GEMIN5: variants seen among roughly 807,000 people sequenced by gnomAD.
The protein encoded by GEMIN5 is gem-associated protein 5.
A neutral mutation model predicts 176.9 loss-of-function variants in GEMIN5; 124 were observed. The ratio of observed to expected loss-of-function variants is 0.70; its 90% confidence interval spans 0.61 to 0.81. The LOEUF (loss-of-function observed/expected upper bound fraction) is 0.81, where lower values mean the gene tolerates loss of function less well. GEMIN5 is among the 40% of genes least tolerant of loss of function. The probability of loss-of-function intolerance (pLI) is 0.00; values close to 1 mark genes in which losing one functional copy is unlikely to be tolerated. For synonymous variants in GEMIN5, 673 were observed against 665.2 expected, an observed-to-expected ratio of 1.01 and a Z score of -0.18; for missense variants, 1,843 against 1,814.6, an observed-to-expected ratio of 1.02 and a Z score of -0.28.
chr5:154,928,421 CCAT>C, intron 6 of GEMIN5, 103 bp downstream of exon 6: 1 of 938,798 alleles, frequency 1.1e-6, no homozygotes, highest in Admixed American at 2.1e-5. Flanking sequence ...TTCAAATGGC[CCAT>C]CATAATACAA....
Position 154,917,140 on chromosome 5 carries a change from G to T in GEMIN5, c.1713C>A (p.Ile571=). The T allele has an allele frequency of 1.9e-6, 3 of 1,547,414 alleles. No individual in the cohort carries two copies. The highest frequency in any genetic ancestry group is 8.8e-7 in the Non-Finnish European group (1 of 1,136,290). ...EIFQIPNLKL[I]CTIQQHHKLV... ...GCTTGTGATGCTGTTGGATAGTACA[G>T]ATCAGTTTCAGGTTGGGAATCTGAA... Residue 571 remains isoleucine, a synonymous_variant, in exon 13 of 28, where the codon ATC becomes ATA. Coordinates refer to ENST00000285873, the MANE Select transcript of GEMIN5 (RefSeq NM_015465.5).
chr5:154,906,887 T>G (rs900749954), intron 16 of GEMIN5, among the ~76,000 whole-genome samples: 18 of 152,260 alleles, frequency 1.2e-4, no homozygotes, highest in African/African-American at 4.1e-4. Flanking sequence ...AGTTACTGCT[T>G]CTACTTACAC....
rs370479756 is a variant in GEMIN5 at position 154,889,362 on chromosome 5, C to T, written c.4318G>A (p.Glu1440Lys). ...AATTTCGCCATTCTCTGATTTGCCT[C>T]GGTAAGCCTTTTGGTTAACTCAGGC... ...SLPELTKRLT[E>K]ANQRMAKFPE... is the part of the protein sequence containing the mutation. Residue 1440 changes from glutamate to lysine, a missense_variant, in exon 27 of 28, where the codon GAG (glutamate) becomes AAG (lysine). Coordinates refer to ENST00000285873, the MANE Select transcript of GEMIN5 (RefSeq NM_015465.5). 14 of 1,610,408 alleles carry T rather than the reference C, an allele frequency of 8.7e-6. No homozygotes were observed. Among genetic ancestry groups the T allele is most frequent in the East Asian group, 4.5e-5 (2 of 44,842 alleles).
At chr5:154,930,875 G>A (rs1325084504) in intron 5 of GEMIN5, among the ~76,000 whole-genome samples, 5 of 152,008 alleles carry the variant, frequency 3.3e-5, no homozygotes, top group African/African-American at 7.3e-5. Flanking sequence ...AGAGAAGCCC[G>A]CTAGAAAGAG....
Position 154,938,056 on chromosome 5 carries a change from G to T in GEMIN5, c.78C>A (p.Gly26=), listed in dbSNP as rs1357385604. ...CARCSDAVPG[G]LFGFAARTSV... ...AGGTCCGCGCGGCGAAGCCAAAGAGGCCCCCGGGCACGGCATCGCTGCAGC... is the reference window on the plus strand; with the variant it reads ...AGGTCCGCGCGGCGAAGCCAAAGAGTCCCCCGGGCACGGCATCGCTGCAGC... Residue 26 remains glycine, a synonymous_variant, in exon 1 of 28, where the codon GGC becomes GGA. Transcript: ENST00000285873. The T allele has an allele frequency of 6.5e-7, 1 of 1,536,528 alleles. No individual in the cohort carries two copies. Among genetic ancestry groups the T allele is most frequent in the South Asian group, 1.2e-5 (1 of 83,390 alleles).
chr5:154,915,269 C>T (rs965988082), intron 13 of GEMIN5, among the ~76,000 whole-genome samples: 1 of 152,170 alleles, frequency 6.6e-6, no homozygotes, highest in Admixed American at 6.5e-5. Context: ...TCTTAGAAAA[C>T]TACTGAAGTA....
Position 154,922,940 on chromosome 5 carries a change from C to T in GEMIN5, c.1380-1515G>A, listed in dbSNP as rs567681681. 5.3e-5 allele frequency among the ~76,000 whole-genome samples: 8 copies of T among 152,196 alleles called. No individual in the cohort carries two copies. In the South Asian group the frequency reaches 1.5e-3, roughly 28 times the overall value. On this transcript the variant is annotated intron_variant, in intron 9 of 27. Transcript: ENST00000285873. ...CTCAATCTCCTGACCTCAGGATCCGCCCGCCTCAGCCTCCCAAAGTGTTGG... is the reference window on the plus strand; with the variant it reads ...CTCAATCTCCTGACCTCAGGATCCGTCCGCCTCAGCCTCCCAAAGTGTTGG...
chr5:154,909,407 T>A (rs144244915), intron 15 of GEMIN5, among the ~76,000 whole-genome samples: 3 of 152,250 alleles, frequency 2.0e-5, no homozygotes, highest in African/African-American at 7.2e-5. Context: ...GACTCATGAA[T>A]TCTTCCATTA....
intron 16 of GEMIN5, among the ~76,000 whole-genome samples, 187 bp from the exon 17 acceptor site, chr5:154,905,663 C>A (rs1425762375): frequency 6.6e-6 from 1 of 151,638 alleles, no homozygotes; most frequent in Non-Finnish European, 1.5e-5. Flanking sequence ...ACCTCCCAAA[C>A]TAGCTGTTTT....
intron 20 of GEMIN5, among the ~76,000 whole-genome samples, chr5:154,901,834 C>G (rs1044986925): frequency 2.0e-5 from 3 of 151,582 alleles, no homozygotes; most frequent in African/African-American, 7.3e-5. Context: ...GGGTCTCACT[C>G]TGTGGCTCAG....
chr5:154,929,314 A>C (rs1371784280), intron 5 of GEMIN5, among the ~76,000 whole-genome samples: 3 of 152,218 alleles, frequency 2.0e-5, no homozygotes, highest in Non-Finnish European at 4.4e-5. Flanking sequence ...TGTGTACCCA[A>C]AAGTATTGCA....
At chr5:154,926,605 T>C (rs2113504873) in intron 7 of GEMIN5, among the ~76,000 whole-genome samples, 1 of 152,284 alleles carries the variant, frequency 6.6e-6, no homozygotes, top group East Asian at 1.9e-4. Flanking sequence ...TCAAATAAAG[T>C]CAATTCTCTC....
At chr5:154,931,657 C>A in intron 4 of GEMIN5, 80 bp from the exon 5 acceptor site, 2 of 1,151,460 alleles carry the variant, frequency 1.7e-6, no homozygotes, top group Non-Finnish European at 2.5e-6. Context: ...CAAGAGTTTC[C>A]AAAACTTAGC....
chr5:154,891,846 C>T (rs1763237738), intron 25 of GEMIN5, 104 bp from the exon 26 acceptor site: 10 of 1,153,764 alleles, frequency 8.7e-6, no homozygotes, highest in African/African-American at 1.5e-5. Context: ...GAAGCAGACC[C>T]CAGGAAAAAG....
At position 154,911,820 on chromosome 5, in the gene GEMIN5, G is replaced by C; in HGVS notation, c.2074C>G (p.Pro692Ala). 3 of 1,613,964 alleles carry C rather than the reference G, an allele frequency of 1.9e-6. No individual in the cohort carries two copies. The highest frequency in any genetic ancestry group is 2.5e-6 in the Non-Finnish European group (3 of 1,179,872). ...GAATAGATGCAGTCTGGATCCAAAGGAGACCATGCCACACAAAGCAGTCGA... is the reference window on the plus strand; with the variant it reads ...GAATAGATGCAGTCTGGATCCAAAGCAGACCATGCCACACAAAGCAGTCGA... Reference protein sequence around the residue: ...RGRLLCVAWSPLDPDCIYSGA... With the variant: ...RGRLLCVAWSALDPDCIYSGA... The change falls in exon 15 of 28, where the codon CCT (proline) becomes GCT (alanine). Residue 692 changes from proline to alanine, a missense_variant. By Grantham distance (27) the Pro-to-Ala change is conservative (BLOSUM62 -1). Coordinates refer to ENST00000285873, the MANE Select transcript of GEMIN5 (RefSeq NM_015465.5).
At position 154,911,889 on chromosome 5, in the gene GEMIN5, C is replaced by A. The variant is rs1436827464; in HGVS notation, c.2005G>T (p.Ala669Ser). 6.2e-7 allele frequency: 1 copy of A among 1,613,792 alleles called. No individual in the cohort carries two copies. The highest frequency in any genetic ancestry group is 1.3e-5 in the African/African-American group (1 of 75,046). Residue 669 changes from alanine (A) to serine (S), a missense_variant, in exon 15 of 28, where the codon GCT (alanine) becomes TCT (serine). Ala to Ser is a moderately conservative substitution (Grantham distance 99). Transcript: ENST00000285873. ...SYDGTAQVWD[A>S]LREEPLCNFR... is the part of the protein sequence containing the mutation. ...TTGCACAGGGGCTCTTCCCGGAGAG[C>A]ATCCCACACCTAAACCCAAAAGCAC...
At position 154,912,986 on chromosome 5, in the gene GEMIN5, T is replaced by C. The variant is rs754095225; in HGVS notation, c.1908A>G (p.Ser636=). The change falls in exon 14 of 28, where the codon TCA becomes TCG. Residue 636 remains serine (S), a synonymous_variant. Coordinates refer to ENST00000285873, the MANE Select transcript of GEMIN5 (RefSeq NM_015465.5). ...VTITEPYRTL[S]GHTAKITSVA... The stretch of plus-strand genomic sequence containing the variant: ...CACTGGTAATCTTGGCCGTATGCCC[T>C]GAGAGGGTCCGGTAGGGCTCTGTAA... 2 of 1,613,808 alleles carry C rather than the reference T, an allele frequency of 1.2e-6. No homozygotes were observed. Among genetic ancestry groups the C allele is most frequent in the Admixed American group, 1.7e-5 (1 of 60,022 alleles).
Position 154,928,081 on chromosome 5 carries a change from A to G in GEMIN5, c.914+446T>C, listed in dbSNP as rs182554697. ...TTATTATATACTTTCGTTCTTCTTGAACCATGTGAGTATATTGGACTACCC... is the reference window on the plus strand; with the variant it reads ...TTATTATATACTTTCGTTCTTCTTGGACCATGTGAGTATATTGGACTACCC... On this transcript the variant is annotated intron_variant, in intron 6 of 27. Coordinates refer to ENST00000285873, the MANE Select transcript of GEMIN5 (RefSeq NM_015465.5). Among the ~76,000 whole-genome samples, 418 of 152,312 alleles carry G rather than the reference A, an allele frequency of 2.7e-3. 3 individuals are homozygous for G. The highest frequency in any genetic ancestry group is 9.8e-3 in the African/African-American group (408 of 41,558).
Position 154,891,649 on chromosome 5 carries a change from A to T in GEMIN5, c.3854T>A (p.Leu1285Gln). 6.2e-7 allele frequency: 1 copy of T among 1,613,972 alleles called. No individual in the cohort carries two copies. Among genetic ancestry groups the T allele is most frequent in the Non-Finnish European group, 8.5e-7 (1 of 1,179,986 alleles). The change falls in exon 26 of 28, where the codon CTG (leucine) becomes CAG (glutamine). Residue 1285 changes from leucine (L) to glutamine (Q), a missense_variant. Leu to Gln is a moderately radical substitution (Grantham distance 113). Transcript: ENST00000285873. ...GGAGAGAGACCACCAGAATTCATAC[A>T]GACGCCCATAAAGAAAAAAGGCCTC... ...SLEAFFLYGRLYEFWWSLSRP... is the reference protein window; with the variant it reads ...SLEAFFLYGRQYEFWWSLSRP...
Sources: allele counts gnomAD v4.1 joint callset (sites outside exome capture counted in the v4.1 genomes callset), GRCh38; gene constraint gnomAD v4.1.1; transcripts MANE v1.5; gene names NCBI Gene and HGNC (gene_info 2026-07-23, HGNC 2026-07-21).